ZNF18: variants seen among roughly 807,000 people sequenced by gnomAD.
ZNF18 encodes the protein zinc finger protein 18, also known as heart development-specific gene 1 protein.
A neutral mutation model predicts 58.1 loss-of-function variants in ZNF18; 42 were observed. The ratio of observed to expected loss-of-function variants is 0.72; its 90% CI spans 0.56 to 0.93. ZNF18 has a LOEUF of 0.93. Ranked by LOEUF, ZNF18 falls within the 40% of genes least tolerant of loss-of-function variation. The pLI is 0.00. For synonymous variants in ZNF18, 231 were observed against 239.8 expected (o/e 0.96, Z 0.34); for missense variants, 540 against 644.2 (o/e 0.84, Z 1.75).
chr17:11,996,875 A>G (rs943090714), intron 1 of ZNF18: 2 of 152,204 alleles, frequency 1.3e-5, no homozygotes, highest in African/African-American at 4.8e-5. Context: ...AGGAAGCTCT[A>G]AAGCCTTTGC....
At chr17:12,004,887 C>CAAAAAA in the ZNF18 span, among the ~76,000 whole-genome samples, 27 of 56,054 alleles carry the variant, frequency 4.8e-4, no homozygotes, top group African/African-American at 1.1e-3. Context: ...AACTCCATCT[C>CAAAAAA]AAAAAAAAAA....
In ZNF18 at chr17:11,978,738, C is replaced by G. The variant is rs546049246; in HGVS notation, c.869G>C (p.Arg290Thr). Reference sequence around the variant, plus strand: ...TAGGTTCTCCTTGTCATTCTCTTGTCTATCTCCTAAAAGAAGAAAGAAGAT... The same window carrying G: ...TAGGTTCTCCTTGTCATTCTCTTGTGTATCTCCTAAAAGAAGAAAGAAGAT... ...KIPRPTCIGD[R>T]QENDKENLNL... The change falls in exon 7 of 7, where the codon AGA becomes ACA. Residue 290 changes from arginine to threonine, a missense_variant. Coordinates refer to ENST00000580306, the MANE Select transcript of ZNF18 (RefSeq NM_001303281.2). The G allele has an allele frequency of 2.5e-5, 40 of 1,584,432 alleles. No individual in the cohort carries two copies. In the African/African-American group the frequency reaches 4.9e-4, roughly 19 times the overall value.
At chr17:11,997,824 G>A (rs775030936), upstream of ZNF18, among the ~76,000 whole-genome samples, 1 of 152,202 alleles carries the variant, frequency 6.6e-6, no homozygotes, top group Non-Finnish European at 1.5e-5. Flanking sequence ...CCCACCCGCA[G>A]AGCTGCAACG....
chr17:12,001,975 A>T (rs536831255), upstream of ZNF18, among the ~76,000 whole-genome samples: 1 of 152,124 alleles, frequency 6.6e-6, no homozygotes, highest in African/African-American at 2.4e-5. Context: ...GAAGAGGTTT[A>T]AAAAAAAGTA....
chr17:11,990,392 A>G, intron 4 of ZNF18, 70 bp downstream of exon 4: 3 of 1,335,796 alleles, frequency 2.2e-6, no homozygotes, highest in South Asian at 1.3e-5. Flanking sequence ...AATGGGGTGA[A>G]GAGAAGCAGG....
At chr17:12,003,746 A>C in the ZNF18 span, among the ~76,000 whole-genome samples, 8 of 152,332 alleles carry the variant, frequency 5.3e-5, no homozygotes, top group South Asian at 1.7e-3. Context: ...AAGTCATTCC[A>C]TGCTTAGGCA....
chr17:11,978,009 G>C lies in ZNF18; in HGVS notation c.1598C>G (p.Ser533Trp), dbSNP rs771915904. ...SHCGKSFSWS[S>W]SLDKHQRSHL... ...GGATCTTTGATGTTTGTCAAGGCTCGAGCTCCAGCTGAAACTTTTCCCACA... is the reference window on the plus strand; with the variant it reads ...GGATCTTTGATGTTTGTCAAGGCTCCAGCTCCAGCTGAAACTTTTCCCACA... The change falls in exon 7 of 7, where the codon TCG (serine) becomes TGG (tryptophan). Residue 533 changes from serine to tryptophan, a missense_variant. Ser to Trp is a radical substitution (Grantham distance 177). Coordinates refer to ENST00000580306, the MANE Select transcript of ZNF18 (RefSeq NM_001303281.2). The C allele has an allele frequency of 6.2e-7, 1 of 1,602,302 alleles. No individual in the cohort carries two copies. Among genetic ancestry groups the C allele is most frequent in the Non-Finnish European group, 8.5e-7 (1 of 1,174,010 alleles).
chr17:11,980,237 G>C (rs968242764), intron 6 of ZNF18, among the ~76,000 whole-genome samples: 14 of 152,246 alleles, frequency 9.2e-5, no homozygotes, highest in Admixed American at 5.2e-4. Flanking sequence ...TGGATGAAAA[G>C]TGGTTTTTCA....
the ZNF18 span, among the ~76,000 whole-genome samples, chr17:12,009,506 G>A: frequency 2.3e-4 from 34 of 150,092 alleles, no homozygotes; most frequent in African/African-American, 6.4e-4. Flanking sequence ...AGGCTGGAGC[G>A]CAGTGGCATG....
intron 3 of ZNF18, 121 bp downstream of exon 3, chr17:11,990,853 C>T: frequency 8.7e-7 from 1 of 1,147,702 alleles, no homozygotes; most frequent in Non-Finnish European, 1.3e-6. Flanking sequence ...TTAGGTCTAA[C>T]CTGTTTGCAA....
At chr17:12,002,860 G>A in the ZNF18 span, among the ~76,000 whole-genome samples, 84 of 152,276 alleles carry the variant, frequency 5.5e-4, no homozygotes, top group African/African-American at 1.6e-3. Context: ...AAAGGAACCT[G>A]GGCATCAATG....
chr17:11,989,361 A>G (rs1202712755), intron 4 of ZNF18, among the ~76,000 whole-genome samples: 1 of 152,176 alleles, frequency 6.6e-6, no homozygotes, highest in Non-Finnish European at 1.5e-5. Context: ...CCAGGCATAC[A>G]AAGAAGTGGG....
chr17:11,988,286 G>A (rs1274909362), intron 4 of ZNF18, among the ~76,000 whole-genome samples: 1 of 152,172 alleles, frequency 6.6e-6, no homozygotes, highest in African/African-American at 2.4e-5. Context: ...CTGAAAGTGG[G>A]AAAGCAAATT....
At chr17:11,991,237 C>T (rs954902501) in intron 2 of ZNF18, 74 bp from the exon 3 acceptor site, 1 of 1,294,502 alleles carries the variant, frequency 7.7e-7, no homozygotes, top group Non-Finnish European at 1.1e-6. Context: ...AAAGCTTACT[C>T]TCTACAACAG....
chr17:11,988,579 G>A (rs945875620), intron 4 of ZNF18, among the ~76,000 whole-genome samples: 1 of 152,154 alleles, frequency 6.6e-6, no homozygotes, highest in Non-Finnish European at 1.5e-5. Context: ...ACACAGTGCT[G>A]GAAACAGTTC....
At chr17:11,989,554 C>G (rs1967968802) in intron 4 of ZNF18, among the ~76,000 whole-genome samples, 1 of 152,080 alleles carries the variant, frequency 6.6e-6, no homozygotes. Context: ...CCAAATCAAA[C>G]TTCTAGAGGT....
At chr17:11,996,645 T>C (rs1388885194) in intron 1 of ZNF18, among the ~76,000 whole-genome samples, 1 of 152,200 alleles carries the variant, frequency 6.6e-6, no homozygotes, top group Non-Finnish European at 1.5e-5. Flanking sequence ...TACCTGTTAT[T>C]AAACCTTTAA....
intron 5 of ZNF18, 99 bp from the exon 6 acceptor site, chr17:11,983,506 A>G: frequency 1.1e-6 from 1 of 896,842 alleles, no homozygotes; most frequent in Middle Eastern, 2.3e-4. Flanking sequence ...GAGGGAAAAT[A>G]TGAAGGCTCT....
chr17:12,016,244 A>G, the ZNF18 span, among the ~76,000 whole-genome samples: 1 of 152,230 alleles, frequency 6.6e-6, no homozygotes, highest in Middle Eastern at 3.4e-3. Context: ...TACCCCAGAA[A>G]GTTCCTTTTT....
Sources: allele counts gnomAD v4.1 joint callset (sites outside exome capture counted in the v4.1 genomes callset), GRCh38; gene constraint gnomAD v4.1.1; transcripts MANE v1.5; gene names NCBI Gene and HGNC (gene_info 2026-07-23, HGNC 2026-07-21).